Variants in EEIG1 observed in about 807,000 individuals in gnomAD.
The protein encoded by EEIG1 is early estrogen-induced gene 1 protein.
the EEIG1 span, among the ~76,000 whole-genome samples, chr9:127,976,041 T>C: frequency 6.6e-6 from 1 of 152,272 alleles, no homozygotes; most frequent in Non-Finnish European, 1.5e-5. The surrounding 1 kb of genome is among the most constrained non-coding windows in gnomAD (Gnocchi z 4.1). Flanking sequence ...TGGGGACACT[T>C]TTCCTTGGAC....
At chr9:127,950,484 C>T in the EEIG1 span, 46 of 1,613,906 alleles carry the variant, frequency 2.9e-5, no homozygotes, top group Non-Finnish European at 3.7e-5. Context: ...CAGGCAGCAG[C>T]GCACCGTGGA....
the EEIG1 span, among the ~76,000 whole-genome samples, chr9:127,951,128 C>T: frequency 1.3e-5 from 2 of 151,974 alleles, no homozygotes; most frequent in South Asian, 2.1e-4. Flanking sequence ...GGAGTAAGTG[C>T]GAAGAGGGCA....
At chr9:127,974,088 C>T in the EEIG1 span, among the ~76,000 whole-genome samples, 1 of 152,210 alleles carries the variant, frequency 6.6e-6, no homozygotes, top group Non-Finnish European at 1.5e-5. Flanking sequence ...ATCCATCTCC[C>T]GGCACTTACT....
At chr9:127,941,080 G>A in the EEIG1 span, 4 of 152,246 alleles carry the variant, frequency 2.6e-5, no homozygotes, top group African/African-American at 9.6e-5. Context: ...GGGGACAAGA[G>A]GGCTGAGGAC....
the EEIG1 span, chr9:127,980,136 A>AT: frequency 6.2e-7 from 1 of 1,612,210 alleles, no homozygotes; most frequent in African/African-American, 1.3e-5. Flanking sequence ...CAAGAAAGCC[A>AT]TGAGCGAGTT....
the EEIG1 span, among the ~76,000 whole-genome samples, chr9:127,965,106 C>CAAAAAA: frequency 1.6e-4 from 11 of 69,724 alleles, no homozygotes; most frequent in South Asian, 1.2e-3. Context: ...AAGACTGTCT[C>CAAAAAA]AAAAAAAAAA....
chr9:127,977,861 A>G, the EEIG1 span, among the ~76,000 whole-genome samples: 1 of 152,152 alleles, frequency 6.6e-6, no homozygotes. Flanking sequence ...GCTCCATGAC[A>G]CAGTCCAGGG....
chr9:127,953,533 C>G, the EEIG1 span: 2 of 1,596,682 alleles, frequency 1.3e-6, no homozygotes, highest in Non-Finnish European at 1.7e-6. Context: ...CCCATGCCAC[C>G]CCCCATTCCA....
chr9:127,978,059 G>C, the EEIG1 span, among the ~76,000 whole-genome samples: 1 of 152,132 alleles, frequency 6.6e-6, no homozygotes, highest in South Asian at 2.1e-4. Flanking sequence ...AGGATCACAG[G>C]CTTCCCAGGC....
chr9:127,958,271 TA>T, the EEIG1 span, among the ~76,000 whole-genome samples: 2 of 152,314 alleles, frequency 1.3e-5, no homozygotes, highest in African/African-American at 4.8e-5. Flanking sequence ...AGCATATGGG[TA>T]AATCTTCATG....
At chr9:127,980,187 G>A in the EEIG1 span, 1 of 1,577,206 alleles carries the variant, frequency 6.3e-7, no homozygotes, top group South Asian at 1.2e-5. Context: ...AGGTGGAGAG[G>A]GACGGGATTC....
At chr9:127,949,272 C>G in the EEIG1 span, among the ~76,000 whole-genome samples, 1 of 145,258 alleles carries the variant, frequency 6.9e-6, no homozygotes, top group Non-Finnish European at 1.5e-5. Context: ...TGAGATTGTG[C>G]CACTGCACTC....
At chr9:127,951,771 C>G in the EEIG1 span, among the ~76,000 whole-genome samples, 21 of 147,386 alleles carry the variant, frequency 1.4e-4, no homozygotes, top group African/African-American at 4.5e-4. Context: ...GAGCCGAGAT[C>G]GCGCCACTGC....
chr9:127,966,892 AG>A, the EEIG1 span, among the ~76,000 whole-genome samples: 1 of 152,200 alleles, frequency 6.6e-6, no homozygotes, highest in Non-Finnish European at 1.5e-5. Flanking sequence ...CTGTACTCCC[AG>A]GCCCCCCTTC....
At chr9:127,945,451 G>C in the EEIG1 span, 1 of 1,563,698 alleles carries the variant, frequency 6.4e-7, no homozygotes, top group Non-Finnish European at 8.7e-7. The surrounding 1 kb of genome is among the most constrained non-coding windows in gnomAD (Gnocchi z 6.5). Context: ...ACTGCCCTCA[G>C]GGCCCTCCAC....
At chr9:127,976,972 G>A in the EEIG1 span, among the ~76,000 whole-genome samples, 2 of 152,064 alleles carry the variant, frequency 1.3e-5, no homozygotes, top group African/African-American at 4.8e-5. The surrounding 1 kb of genome is among the most constrained non-coding windows in gnomAD (Gnocchi z 4.1). Flanking sequence ...ACTGTGAAGC[G>A]GGGTTCCCAG....
At chr9:127,977,717 T>C in the EEIG1 span, among the ~76,000 whole-genome samples, 1 of 152,208 alleles carries the variant, frequency 6.6e-6, no homozygotes, top group Non-Finnish European at 1.5e-5. Flanking sequence ...AAAAGGAAAC[T>C]GAAGTTCAGA....
At chr9:127,970,988 C>T in the EEIG1 span, among the ~76,000 whole-genome samples, 1 of 152,220 alleles carries the variant, frequency 6.6e-6, no homozygotes, top group Non-Finnish European at 1.5e-5. Context: ...CAGCCTGAGC[C>T]CCACACCAGA....
chr9:127,958,280 A>C, the EEIG1 span, among the ~76,000 whole-genome samples: 1 of 152,244 alleles, frequency 6.6e-6, no homozygotes. Context: ...GTAAATCTTC[A>C]TGACCTTGGA....
Sources: gnomAD v4.1 joint callset for allele counts (sites outside exome capture counted in the v4.1 genomes callset) on GRCh38, gnomAD v4.1.1 for gene constraint, Gnocchi (gnomAD v3.1) non-coding constraint, MANE v1.5 for transcripts, NCBI Gene and HGNC (gene_info 2026-07-23, HGNC 2026-07-21) for gene names.